Variants in MCTP1 observed in about 807,000 individuals in gnomAD.
The protein encoded by MCTP1 is multiple C2 and transmembrane domain-containing protein 1.
Under a neutral mutation model 120.6 loss-of-function variants are expected in MCTP1, and 69 were observed. The ratio of observed to expected loss-of-function variants is 0.57; its 90% CI spans 0.47 to 0.70. MCTP1 has a LOEUF of 0.70. MCTP1 is among the 30% of genes least tolerant of loss of function. MCTP1 has a pLI of 0.00. For synonymous variants in MCTP1, 529 were observed against 493.1 expected (o/e 1.07, Z -0.96); for missense variants, 1,203 against 1,248.8 (o/e 0.96, Z 0.55).
intron 1 of MCTP1, among the ~76,000 whole-genome samples, chr5:95,030,493 T>C (rs1030473263): frequency 2.0e-5 from 3 of 152,168 alleles, no homozygotes; most frequent in Non-Finnish European, 4.4e-5. Flanking sequence ...TGTTGGCTCA[T>C]GCATCCAATA....
At chr5:94,932,656 T>C (rs1815089561) in intron 5 of MCTP1, among the ~76,000 whole-genome samples, 1 of 152,000 alleles carries the variant, frequency 6.6e-6, no homozygotes, top group Non-Finnish European at 1.5e-5. Flanking sequence ...AACTAAATCA[T>C]AAAAGCCCAA....
chr5:95,250,502 C>T (rs1039815175), intron 1 of MCTP1, among the ~76,000 whole-genome samples: 2 of 152,020 alleles, frequency 1.3e-5, no homozygotes, highest in Admixed American at 6.6e-5. Context: ...GGAGAGGAGA[C>T]GGTTTTTATG....
chr5:95,117,255 G>A (rs936515584), intron 1 of MCTP1, among the ~76,000 whole-genome samples: 2 of 151,984 alleles, frequency 1.3e-5, no homozygotes, highest in Admixed American at 6.6e-5. Flanking sequence ...GCTGGGTGTG[G>A]TGGCAGGCGC....
intron 17 of MCTP1, chr5:94,867,003 G>A (rs942244487): frequency 3.7e-5 from 8 of 214,636 alleles, no homozygotes; most frequent in Non-Finnish European, 7.3e-5. Context: ...ATCTTTACAG[G>A]ACAATTTTTT....
chr5:95,153,161 G>A (rs1401005921), intron 1 of MCTP1, among the ~76,000 whole-genome samples: 3 of 152,096 alleles, frequency 2.0e-5, no homozygotes, highest in African/African-American at 7.2e-5. Context: ...GGATCATGGG[G>A]GTGGTTCTCC....
intron 1 of MCTP1, among the ~76,000 whole-genome samples, chr5:95,135,273 A>G (rs565820175): frequency 3.3e-5 from 5 of 152,328 alleles, no homozygotes; most frequent in African/African-American, 1.2e-4. Flanking sequence ...TCAACAAATC[A>G]CAAAGAAAGA....
chr5:94,911,076 C>A (rs771826338), intron 9 of MCTP1, among the ~76,000 whole-genome samples: 2 of 152,190 alleles, frequency 1.3e-5, no homozygotes, highest in Admixed American at 6.5e-5. Context: ...ATACTCACTG[C>A]CTGCTAATGA....
intron 1 of MCTP1, among the ~76,000 whole-genome samples, chr5:95,167,923 G>T (rs1303640987): frequency 6.6e-6 from 1 of 152,078 alleles, no homozygotes; most frequent in East Asian, 1.9e-4. Flanking sequence ...GTCAATTTTG[G>T]CTTTTGTTGC....
At chr5:94,750,689 C>T (rs935475927) in intron 19 of MCTP1, among the ~76,000 whole-genome samples, 1 of 152,132 alleles carries the variant, frequency 6.6e-6, no homozygotes, top group Non-Finnish European at 1.5e-5. Flanking sequence ...CATCCTGGAT[C>T]GACAGATAGT....
chr5:95,102,579 C>T (rs528450019), intron 1 of MCTP1, among the ~76,000 whole-genome samples: 2 of 152,280 alleles, frequency 1.3e-5, no homozygotes, highest in East Asian at 3.9e-4. Context: ...TCATATAATG[C>T]CCAAATGTGG....
chr5:94,754,966 C>T (rs1296532482), intron 19 of MCTP1, among the ~76,000 whole-genome samples: 2 of 152,158 alleles, frequency 1.3e-5, no homozygotes, highest in East Asian at 3.9e-4. Context: ...TCTGGGCTGC[C>T]AAGCTGTGGA....
rs1216515979 is a variant in MCTP1 at position 95,095,065 on chromosome 5, C to G, written c.721-77581G>C. Among the ~76,000 whole-genome samples, 122 of 114,322 alleles carry G rather than the reference C, an allele frequency of 1.1e-3. 1 individual carries two copies. Among genetic ancestry groups the G allele is most frequent in the African/African-American group, 4.2e-3 (117 of 27,948 alleles). The allele number at this position is 114,322 out of a possible 152,430, so 75.0% of individuals were successfully genotyped here. A position where few individuals can be genotyped will look rare whatever the true frequency, so the allele number is the denominator to read the frequency against. ...TTGAGACGGAGTCTCGCTCTGTCGCCCAGGCTGGAGTGCAGTGGCGCGATC... is the reference window on the plus strand; with the variant it reads ...TTGAGACGGAGTCTCGCTCTGTCGCGCAGGCTGGAGTGCAGTGGCGCGATC... On this transcript the variant is annotated intron_variant, in intron 1 of 22. Coordinates refer to ENST00000515393, the MANE Select transcript of MCTP1 (RefSeq NM_024717.7).
chr5:94,909,130 A>C, intron 10 of MCTP1, 121 bp downstream of exon 10: 1 of 1,181,758 alleles, frequency 8.5e-7, no homozygotes, highest in Non-Finnish European at 1.2e-6. Flanking sequence ...GCATTGCCTT[A>C]CCATGGTAAA....
chr5:95,110,858 T>C (rs184630575), intron 1 of MCTP1, among the ~76,000 whole-genome samples: 70 of 152,332 alleles, frequency 4.6e-4, no homozygotes, highest in African/African-American at 1.7e-3. Flanking sequence ...ACTCCAATTG[T>C]ACCTGACTTC....
At chr5:95,117,183 G>A (rs1033764027) in intron 1 of MCTP1, among the ~76,000 whole-genome samples, 17 of 152,146 alleles carry the variant, frequency 1.1e-4, no homozygotes, top group African/African-American at 3.9e-4. Flanking sequence ...GAGGTCAGGA[G>A]ATCAAGACCA....
chr5:94,936,078 G>A (rs1480380189), intron 5 of MCTP1, among the ~76,000 whole-genome samples: 1 of 151,924 alleles, frequency 6.6e-6, no homozygotes, highest in Non-Finnish European at 1.5e-5. Context: ...ATAATTTATT[G>A]TCATCATTCG....
chr5:94,850,769 C>A (rs1793526428), intron 17 of MCTP1, among the ~76,000 whole-genome samples: 1 of 152,056 alleles, frequency 6.6e-6, no homozygotes, highest in Admixed American at 6.6e-5. Context: ...CTCTAAATCT[C>A]TGCAGATTCT....
intron 2 of MCTP1, among the ~76,000 whole-genome samples, chr5:94,954,057 CAAATATAT>C (rs1821643726): frequency 4.4e-5 from 3 of 68,314 alleles, no homozygotes; most frequent in Non-Finnish European, 7.8e-5. Context: ...CATATATATA[CAAATATAT>C]ATGCATATAT....
At chr5:94,760,984 C>A (rs576954731) in intron 19 of MCTP1, among the ~76,000 whole-genome samples, 2 of 152,272 alleles carry the variant, frequency 1.3e-5, no homozygotes, top group South Asian at 2.1e-4. Flanking sequence ...CATGCCCAGC[C>A]CTATAACAAA....
Sources: gnomAD v4.1 joint callset for allele counts (sites outside exome capture counted in the v4.1 genomes callset) on GRCh38, gnomAD v4.1.1 for gene constraint, MANE v1.5 for transcripts, NCBI Gene and HGNC (gene_info 2026-07-23, HGNC 2026-07-21) for gene names.